Variants in ZNF485 observed in about 807,000 individuals in gnomAD.
ZNF485 encodes the protein zinc finger protein 485.
ZNF485 carries 9 observed loss-of-function variants against 10.8 expected under a neutral mutation model. The observed-to-expected ratio is 0.83, with a 90% CI of 0.50 to 1.45. The LOEUF (loss-of-function observed/expected upper bound fraction) is 1.45. Ranked by LOEUF, ZNF485 falls within the 40% of genes most tolerant of loss-of-function variation. The pLI is 0.00. For missense variants in ZNF485, 487 were observed against 528.0 expected (o/e 0.92, Z 0.76); for synonymous variants, 187 against 181.0 (o/e 1.03, Z -0.27).
intron 4 of ZNF485, among the ~76,000 whole-genome samples, chr10:43,612,158 A>G (rs1838779798): frequency 6.6e-6 from 1 of 152,182 alleles, no homozygotes; most frequent in Non-Finnish European, 1.5e-5. Flanking sequence ...GTATATGGAA[A>G]TATCTGTCTT....
At chr10:43,608,467 C>T (rs1564481144) in intron 2 of ZNF485, 147 bp from the exon 3 acceptor site, 2 of 1,030,764 alleles carry the variant, frequency 1.9e-6, no homozygotes, top group Non-Finnish European at 2.8e-6. Context: ...AGGAGTCGCA[C>T]ATCCCCTGAG....
chr10:43,616,406 G>A lies in ZNF485; in HGVS notation c.363G>A (p.Glu121=), dbSNP rs762290361. The A allele has an allele frequency of 1.9e-6, 3 of 1,614,144 alleles. No individual in the cohort carries two copies. The highest frequency in any genetic ancestry group is 1.7e-5 in the Admixed American group (1 of 60,018). ...TGATGGAAAAAGGCCTGGACTGGGA[G>A]GGCAGAAGCTCCACAGAGAAGAACT... ...SVMMEKGLDW[E]GRSSTEKNYK... The change falls in exon 5 of 5, where the codon GAG becomes GAA. Residue 121 remains glutamate (E), a synonymous_variant. Coordinates refer to ENST00000361807, the MANE Select transcript of ZNF485 (RefSeq NM_145312.4).
At chr10:43,612,688 T>C (rs966078003) in intron 4 of ZNF485, among the ~76,000 whole-genome samples, 5 of 152,202 alleles carry the variant, frequency 3.3e-5, no homozygotes, top group African/African-American at 1.2e-4. Flanking sequence ...CTCCACATCT[T>C]TGGTTACTTT....
Position 43,608,604 on chromosome 10 carries a change from G to T in ZNF485, c.25-10G>T. 6.2e-7 allele frequency: 1 copy of T among 1,609,894 alleles called. No homozygotes were observed. Among genetic ancestry groups the T allele is most frequent in the Non-Finnish European group, 8.5e-7 (1 of 1,177,690 alleles). ...TTCCCGGATGAGCAGAATTGGGTTTGGTTTTGCAGGGACCGCTGACATTTG... is the reference window on the plus strand; with the variant it reads ...TTCCCGGATGAGCAGAATTGGGTTTTGTTTTGCAGGGACCGCTGACATTTG... On this transcript the variant is annotated splice_polypyrimidine_tract_variant and intron_variant, in intron 2 of 4. Coordinates refer to ENST00000361807, the MANE Select transcript of ZNF485 (RefSeq NM_145312.4).
In ZNF485 at chr10:43,606,910, G is replaced by C. The variant is rs1228446091; in HGVS notation, c.-54-87G>C. 6.0e-6 allele frequency: 6 copies of C among 993,504 alleles called. No individual in the cohort carries two copies. In the Admixed American group the frequency reaches 8.6e-5, roughly 14 times the overall value. 61.5% of individuals were successfully genotyped at this position (993,504 alleles called of 1,614,324 possible). ...CTGTCTGCCCACCTGTGGAGGGAAC[G>C]GGCGGGCGGGGACCTGGTCTAGAGG... is the stretch of plus-strand genomic sequence containing the variant. On this transcript the variant is annotated intron_variant, in intron 1 of 4. Transcript: ENST00000361807.
intron 4 of ZNF485, among the ~76,000 whole-genome samples, chr10:43,615,504 C>T (rs559239048): frequency 4.3e-4 from 65 of 152,172 alleles, no homozygotes; most frequent in African/African-American, 1.1e-3. Flanking sequence ...CGGGTTCAAG[C>T]GATTCTCCTG....
chr10:43,609,614 C>T (rs1838730114), intron 4 of ZNF485, among the ~76,000 whole-genome samples: 1 of 152,100 alleles, frequency 6.6e-6, no homozygotes, highest in South Asian at 2.1e-4. Context: ...TGTGATTTTT[C>T]TCTCTCTCTT....
chr10:43,608,765 C>G (rs1010994446), intron 3 of ZNF485, 25 bp downstream of exon 3: 2 of 1,608,302 alleles, frequency 1.2e-6, no homozygotes, highest in Non-Finnish European at 1.7e-6. Flanking sequence ...CTCCTTGACT[C>G]AGGATTGGTC....
At chr10:43,612,627 A>G (rs1366943116) in intron 4 of ZNF485, among the ~76,000 whole-genome samples, 2 of 152,248 alleles carry the variant, frequency 1.3e-5, no homozygotes, top group Non-Finnish European at 2.9e-5. Flanking sequence ...ATTCAAGGTC[A>G]TAAGTTACTT....
In ZNF485 at chr10:43,606,459, C is replaced by A. The variant is rs1007819696; in HGVS notation, c.-142C>A. The A allele has an allele frequency of 2.5e-4, 101 of 411,104 alleles. No individual in the cohort carries two copies. The highest frequency in any genetic ancestry group is 2.6e-4 in the Admixed American group (7 of 27,190). The allele number at this position is 411,104 out of a possible 1,614,324, so 25.5% of individuals were successfully genotyped here. A position where few individuals can be genotyped will look rare whatever the true frequency, so the allele number is the denominator to read the frequency against. On this transcript the variant is annotated 5_prime_UTR_variant, in exon 1 of 5. Transcript: ENST00000361807. ...CCGCGTGGTGCGAGCGCTGCACCAG[C>A]CCCTGGCTGGTGGTTACTGTCCGAA...
At chr10:43,615,322 C>T (rs1011542000) in intron 4 of ZNF485, among the ~76,000 whole-genome samples, 4 of 142,344 alleles carry the variant, frequency 2.8e-5, no homozygotes, top group East Asian at 3.8e-4. Flanking sequence ...TGAATCATTT[C>T]GCTCTGTCTG....
chr10:43,609,235 T>A lies in ZNF485; in HGVS notation c.152-20T>A. ...TCATTTTTTTTTTCTTCCTCTAAGA[T>A]CCTTTTTCTTTATGAACAGGGCTTC... On this transcript the variant is annotated intron_variant, in intron 3 of 4. Transcript: ENST00000361807. 1 of 1,588,566 alleles carries A rather than the reference T, an allele frequency of 6.3e-7. No homozygotes were observed. The highest frequency in any genetic ancestry group is 8.6e-7 in the Non-Finnish European group (1 of 1,161,510).
rs1202356567 is a variant in ZNF485 at position 43,617,880 on chromosome 10, C to T, written c.*511C>T. On this transcript the variant is annotated 3_prime_UTR_variant, in exon 5 of 5. Transcript: ENST00000361807. Reference sequence around the variant, plus strand: ...TTATATGCATTCAAAAAGACCTGGACAAATAAAGACCAATCTTAACAGCAG... The same window carrying T: ...TTATATGCATTCAAAAAGACCTGGATAAATAAAGACCAATCTTAACAGCAG... The T allele has an allele frequency of 6.6e-6, 1 of 150,756 alleles. No individual in the cohort carries two copies. The highest frequency in any genetic ancestry group is 2.4e-5 in the African/African-American group (1 of 41,024). The allele number at this position is 150,756 out of a possible 1,614,324, so 9.3% of individuals were successfully genotyped here. A position where few individuals can be genotyped will look rare whatever the true frequency, so the allele number is the denominator to read the frequency against.
chr10:43,615,159 A>AATACATATAAATATATGTATGTGTATAT (rs1260493816), intron 4 of ZNF485, among the ~76,000 whole-genome samples: 11 of 152,348 alleles, frequency 7.2e-5, no homozygotes, highest in South Asian at 4.1e-4. Flanking sequence ...ACTAAGTATA[A>AATACATATAAATATATGTATGTGTATAT]ATACATATAA....
chr10:43,613,940 A>G (rs1251928619), intron 4 of ZNF485, among the ~76,000 whole-genome samples: 2 of 152,168 alleles, frequency 1.3e-5, no homozygotes, highest in Non-Finnish European at 2.9e-5. Context: ...AGGGCTGGGC[A>G]TGGTGGCTCA....
In ZNF485 at chr10:43,617,634, C is replaced by T; in HGVS notation, c.*265C>T. 3.3e-6 allele frequency: 1 copy of T among 304,646 alleles called. No homozygotes were observed. Among genetic ancestry groups the T allele is most frequent in the South Asian group, 9.1e-5 (1 of 11,000 alleles). 18.9% of individuals were successfully genotyped at this position (304,646 alleles called of 1,614,324 possible). A position where few individuals can be genotyped will look rare whatever the true frequency, so the allele number is the denominator to read the frequency against. On this transcript the variant is annotated 3_prime_UTR_variant, in exon 5 of 5. Transcript: ENST00000361807. ...CAAAGCCAGGCATGGTGGCATATGCCTGTAGTCCCAGTTACTTGGGAGGCT... is the reference window on the plus strand; with the variant it reads ...CAAAGCCAGGCATGGTGGCATATGCTTGTAGTCCCAGTTACTTGGGAGGCT...
At position 43,616,717 on chromosome 10, in the gene ZNF485, A is replaced by G. The variant is rs1458728624; in HGVS notation, c.674A>G (p.Lys225Arg). The G allele has an allele frequency of 1.9e-6, 3 of 1,614,044 alleles. No individual in the cohort carries two copies. Among genetic ancestry groups the G allele is most frequent in the Admixed American group, 1.7e-5 (1 of 60,010 alleles). Residue 225 changes from lysine (K) to arginine (R), a missense_variant, in exon 5 of 5, where the codon AAG (lysine) becomes AGG (arginine). Physicochemically the swap from Lys to Arg is conservative, Grantham distance 26 (BLOSUM62 2). Transcript: ENST00000361807. ...ATTGAATGTGGAAAAACTTTCAGAA[A>G]GAACTCAATCCTTTTAAGTCATCAG... ...KCIECGKTFRKNSILLSHQRI... is the reference protein window; with the variant it reads ...KCIECGKTFRRNSILLSHQRI...
chr10:43,612,054 T>A (rs2132350099), intron 4 of ZNF485, among the ~76,000 whole-genome samples: 1 of 152,352 alleles, frequency 6.6e-6, no homozygotes, highest in East Asian at 1.9e-4. Flanking sequence ...TACATTGTTA[T>A]TTAAAGGAAG....
chr10:43,617,588 G>T lies in ZNF485; in HGVS notation c.*219G>T. ...ACTGTGTGCTAATTGAAAAGAATGA[G>T]GTGGAGCTGTAAATACTGTACAAAG... is the stretch of plus-strand genomic sequence containing the variant. On this transcript the variant is annotated 3_prime_UTR_variant, in exon 5 of 5. Transcript: ENST00000361807. The T allele has an allele frequency of 2.2e-6, 1 of 449,328 alleles. No homozygotes were observed. The allele number at this position is 449,328 out of a possible 1,614,324, so 27.8% of individuals were successfully genotyped here. A position where few individuals can be genotyped will look rare whatever the true frequency, so the allele number is the denominator to read the frequency against.
Sources: gnomAD v4.1 joint callset for allele counts (sites outside exome capture counted in the v4.1 genomes callset) on GRCh38, gnomAD v4.1.1 for gene constraint, MANE v1.5 for transcripts, NCBI Gene and HGNC (gene_info 2026-07-23, HGNC 2026-07-21) for gene names.